The following UVRAG variants were observed in gnomAD, a reference collection of about 807,000 sequenced individuals.
UVRAG encodes UV radiation resistance associated, also known as UV radiation resistance-associated gene protein.
Under a neutral mutation model 78.0 loss-of-function variants are expected in UVRAG, and 19 were observed. That is an observed-to-expected ratio of 0.24 (90% CI 0.17 to 0.36). The LOEUF (loss-of-function observed/expected upper bound fraction) is 0.36, where lower values mean the gene tolerates loss of function less well. UVRAG is among the 10% of genes least tolerant of loss of function. UVRAG has a pLI of 1.00. For synonymous variants in UVRAG, 323 were observed against 324.6 expected, an observed-to-expected ratio of 1.00 and a Z score of 0.05; for missense variants, 740 against 853.8, an observed-to-expected ratio of 0.87 and a Z score of 1.66.
At chr11:75,858,530 G>A (rs1422117492) in intron 2 of UVRAG, among the ~76,000 whole-genome samples, 1 of 152,052 alleles carries the variant, frequency 6.6e-6, no homozygotes, top group African/African-American at 2.4e-5. Context: ...CACTTAGGTT[G>A]TTCCAGTCTT....
chr11:75,893,670 C>CAAAAAA (rs1048785134), intron 5 of UVRAG, among the ~76,000 whole-genome samples: 1 of 60,392 alleles, frequency 1.7e-5, no homozygotes, highest in Non-Finnish European at 3.3e-5. Context: ...CTATCTCTAC[C>CAAAAAA]AAAAAAAAAA....
At chr11:75,821,359 T>C (rs1223872844) in intron 1 of UVRAG, among the ~76,000 whole-genome samples, 1 of 152,204 alleles carries the variant, frequency 6.6e-6, no homozygotes, top group Non-Finnish European at 1.5e-5. Context: ...TAATTTGTTT[T>C]GAGACGGGGT....
chr11:75,854,872 A>G (rs150540397), intron 2 of UVRAG, among the ~76,000 whole-genome samples: 1 of 152,334 alleles, frequency 6.6e-6, no homozygotes, highest in East Asian at 1.9e-4. Context: ...AATTGGTTAT[A>G]TCACTAGCAA....
At chr11:75,961,667 C>T (rs914842721) in intron 7 of UVRAG, 118 bp downstream of exon 7, 25 of 691,338 alleles carry the variant, frequency 3.6e-5, no homozygotes, top group Admixed American at 7.8e-5. Context: ...TAATTGTCCA[C>T]AGAGAGTTCT....
chr11:76,001,839 T>TG (rs918441447), intron 8 of UVRAG, among the ~76,000 whole-genome samples: 13 of 152,040 alleles, frequency 8.6e-5, no homozygotes, highest in South Asian at 2.1e-4. Flanking sequence ...ATAGAGAAGA[T>TG]GGGGGGGCTT....
intron 2 of UVRAG, among the ~76,000 whole-genome samples, chr11:75,854,378 T>C (rs1316867139): frequency 2.0e-5 from 3 of 152,190 alleles, no homozygotes; most frequent in Non-Finnish European, 4.4e-5. Flanking sequence ...TACATTCTAT[T>C]GGCCATAAAT....
intron 1 of UVRAG, among the ~76,000 whole-genome samples, chr11:75,850,135 G>A (rs939070954): frequency 1.3e-5 from 2 of 151,970 alleles, no homozygotes; most frequent in Non-Finnish European, 2.9e-5. Context: ...GCATCTGATT[G>A]GTTATGGAAA....
rs770145337 is a variant in UVRAG, at chr11:76,007,562, T to C, written c.940T>C (p.Leu314=). 2 of 1,613,928 alleles carry C rather than the reference T, an allele frequency of 1.2e-6. No homozygotes were observed. Among genetic ancestry groups the C allele is most frequent in the Non-Finnish European group, 1.7e-6 (2 of 1,179,934 alleles). ...RELFLKTNAQ[L]TIRCRQLLSE... ...ACTCTTCTTGAAGACTAATGCTCAG[T>C]TGACAATTCGTTGCAGGCAGTTACT... The change falls in exon 10 of 15, where the codon TTG becomes CTG. Residue 314 remains leucine, a synonymous_variant. Transcript: ENST00000356136.
chr11:76,057,695 G>A (rs904885255), intron 12 of UVRAG, among the ~76,000 whole-genome samples: 1 of 151,842 alleles, frequency 6.6e-6, no homozygotes, highest in South Asian at 2.1e-4. Flanking sequence ...ACTATACAAT[G>A]TAGCAGAAAA....
chr11:75,897,140 G>C (rs529688684), intron 5 of UVRAG, among the ~76,000 whole-genome samples: 8 of 152,228 alleles, frequency 5.3e-5, no homozygotes, highest in Non-Finnish European at 1.0e-4. Context: ...GCAATTTGGT[G>C]ATGAATTTCA....
chr11:76,138,885 C>T (rs1952647869), intron 14 of UVRAG, among the ~76,000 whole-genome samples: 1 of 152,208 alleles, frequency 6.6e-6, no homozygotes, highest in African/African-American at 2.4e-5. Flanking sequence ...TAGAGAGGGA[C>T]ACTGTTAGCA....
At chr11:75,877,532 G>C (rs1308010537) in intron 3 of UVRAG, among the ~76,000 whole-genome samples, 2 of 144,420 alleles carry the variant, frequency 1.4e-5, no homozygotes, top group Non-Finnish European at 3.1e-5. Flanking sequence ...CCTCCCTCCC[G>C]GACGGGGTGG....
intron 13 of UVRAG, among the ~76,000 whole-genome samples, chr11:76,067,039 A>G (rs1230278508): frequency 1.3e-5 from 2 of 152,016 alleles, no homozygotes; most frequent in African/African-American, 2.4e-5. Context: ...TTATTCCTCT[A>G]TGTGGTGTCA....
At chr11:75,924,987 C>G (rs1327095964) in intron 6 of UVRAG, among the ~76,000 whole-genome samples, 2 of 152,260 alleles carry the variant, frequency 1.3e-5, no homozygotes, top group East Asian at 3.9e-4. Context: ...AGAAGTAAAG[C>G]ATTCTTTGAG....
intron 2 of UVRAG, among the ~76,000 whole-genome samples, chr11:75,855,016 C>T (rs1946256783): frequency 6.6e-6 from 1 of 151,910 alleles, no homozygotes; most frequent in Admixed American, 6.6e-5. Flanking sequence ...GTACTTAGCG[C>T]ATTTTGGGAA....
At chr11:75,819,601 C>T (rs555090446) in intron 1 of UVRAG, among the ~76,000 whole-genome samples, 90 of 152,248 alleles carry the variant, frequency 5.9e-4, no homozygotes, top group African/African-American at 2.1e-3. Context: ...CTGCCTTGGC[C>T]TCCCAAAGTG....
intron 4 of UVRAG, among the ~76,000 whole-genome samples, chr11:75,886,296 CCTTT>C (rs1278694241): frequency 1.3e-5 from 2 of 152,096 alleles, no homozygotes; most frequent in Non-Finnish European, 2.9e-5. Context: ...CTCTCCCATC[CCTTT>C]CTTTAAGTGT....
At chr11:76,139,037 C>T (rs1389254200) in intron 14 of UVRAG, among the ~76,000 whole-genome samples, 2 of 152,182 alleles carry the variant, frequency 1.3e-5, no homozygotes, top group African/African-American at 2.4e-5. Context: ...GAACTAAACA[C>T]TGTAATTTAC....
intron 1 of UVRAG, among the ~76,000 whole-genome samples, chr11:75,823,438 A>G (rs1270271242): frequency 6.6e-6 from 1 of 152,218 alleles, no homozygotes; most frequent in Non-Finnish European, 1.5e-5. Flanking sequence ...GACTCAAATT[A>G]TGTGCCTCAG....
Sources: allele counts gnomAD v4.1 joint callset (sites outside exome capture counted in the v4.1 genomes callset), GRCh38; gene constraint gnomAD v4.1.1; transcripts MANE v1.5; gene names NCBI Gene and HGNC (gene_info 2026-07-23, HGNC 2026-07-21).